RNF17: variants seen among roughly 807,000 people sequenced by gnomAD.
RNF17 encodes spermatogenesis associated 23.
RNF17 carries 31 observed loss-of-function variants against 200.5 expected under a neutral mutation model. That is an observed-to-expected ratio of 0.15 (90% CI 0.12 to 0.21). The LOEUF (loss-of-function observed/expected upper bound fraction) is 0.21, where lower values mean the gene tolerates loss of function less well. RNF17 is among the 10% of genes least tolerant of loss of function. RNF17 has a pLI of 1.00. For synonymous variants in RNF17, 606 were observed against 637.8 expected (o/e 0.95, Z 0.75); for missense variants, 1,628 against 1,905.1 (o/e 0.85, Z 2.71).
At chr13:24,847,333 T>TTA (rs1891363916) in intron 22 of RNF17, among the ~76,000 whole-genome samples, 2 of 144,224 alleles carry the variant, frequency 1.4e-5, no homozygotes, top group Admixed American at 7.2e-5. Context: ...AACCTGATCT[T>TTA]TTTATTTATT....
the RNF17 span, among the ~76,000 whole-genome samples, chr13:24,757,290 A>G: frequency 6.6e-6 from 1 of 151,316 alleles, no homozygotes; most frequent in South Asian, 2.1e-4. Context: ...TAAGCATACA[A>G]TCATATTCAG....
At chr13:24,848,043 T>C (rs920317098) in intron 22 of RNF17, among the ~76,000 whole-genome samples, 16 of 152,224 alleles carry the variant, frequency 1.1e-4, no homozygotes, top group Admixed American at 1.0e-3. Context: ...AGCTAACCTT[T>C]AAGAACTTCT....
At chr13:24,834,790 C>T (rs1889786713) in intron 18 of RNF17, among the ~76,000 whole-genome samples, 1 of 152,180 alleles carries the variant, frequency 6.6e-6, no homozygotes, top group Non-Finnish European at 1.5e-5. Flanking sequence ...TCTAGCTGAA[C>T]TTGGTAACAA....
At chr13:24,805,203 A>G (rs1885702291) in intron 15 of RNF17, among the ~76,000 whole-genome samples, 1 of 152,140 alleles carries the variant, frequency 6.6e-6, no homozygotes, top group Admixed American at 6.5e-5. Context: ...AGCGTCTTTT[A>G]TGGTAAAATA....
At chr13:24,823,748 G>C (rs966142733) in intron 15 of RNF17, among the ~76,000 whole-genome samples, 1 of 152,148 alleles carries the variant, frequency 6.6e-6, no homozygotes, top group African/African-American at 2.4e-5. Flanking sequence ...GCTTTTGAAT[G>C]TCCTAATTTC....
chr13:24,859,214 TTAAA>T, intron 26 of RNF17, 50 bp downstream of exon 26: 1 of 1,360,912 alleles, frequency 7.3e-7, no homozygotes, highest in Non-Finnish European at 9.9e-7. Flanking sequence ...TGCTATAGCA[TTAAA>T]TAGTCTTGTG....
chr13:24,785,618 A>G (rs1242032728), intron 6 of RNF17, among the ~76,000 whole-genome samples: 3 of 152,120 alleles, frequency 2.0e-5, no homozygotes, highest in East Asian at 3.9e-4. Context: ...CAATCAGTCT[A>G]TAGTGTTGTC....
chr13:24,793,648 TAGAG>T (rs373595880), intron 10 of RNF17, among the ~76,000 whole-genome samples: 54 of 152,330 alleles, frequency 3.5e-4, no homozygotes, highest in South Asian at 1.9e-3. Flanking sequence ...AAGATATAAA[TAGAG>T]AGATGTGATT....
At position 24,825,776 on chromosome 13, in the gene RNF17, G is replaced by A; in HGVS notation, c.2245+4G>A. ...TGGTACCGAGCAAAAGTTATCGGTA[G>A]GAGAATGCATGCTGTTTCTACAGGG... On this transcript the variant is annotated splice_donor_region_variant and intron_variant, in intron 16 of 35. Coordinates refer to ENST00000255324, the MANE Select transcript of RNF17 (RefSeq NM_031277.3). 6.2e-7 allele frequency: 1 copy of A among 1,610,798 alleles called. No individual in the cohort carries two copies. Among genetic ancestry groups the A allele is most frequent in the South Asian group, 1.1e-5 (1 of 90,474 alleles).
chr13:24,831,438 T>A (rs1330776432), intron 17 of RNF17, among the ~76,000 whole-genome samples: 1 of 152,028 alleles, frequency 6.6e-6, no homozygotes, highest in African/African-American at 2.4e-5. Flanking sequence ...CAAGACTCGG[T>A]CTCAAAGAAA....
At chr13:24,782,833 T>G (rs990970056) in intron 6 of RNF17, among the ~76,000 whole-genome samples, 1 of 152,206 alleles carries the variant, frequency 6.6e-6, no homozygotes, top group Non-Finnish European at 1.5e-5. Context: ...TGACTTACAA[T>G]ATTTTCTCCC....
intron 9 of RNF17, among the ~76,000 whole-genome samples, chr13:24,791,301 AG>A (rs1473184170): frequency 6.6e-6 from 1 of 152,170 alleles, no homozygotes; most frequent in Non-Finnish European, 1.5e-5. Flanking sequence ...AATGCAAAAT[AG>A]GGAAAATTAA....
chr13:24,870,100 C>T (rs565221417), intron 31 of RNF17, among the ~76,000 whole-genome samples: 2 of 152,116 alleles, frequency 1.3e-5, no homozygotes, highest in Admixed American at 6.5e-5. Context: ...TGCCACCACA[C>T]GCGGCTAATT....
chr13:24,763,226 G>A (rs1439562309), upstream of RNF17, among the ~76,000 whole-genome samples: 4 of 142,412 alleles, frequency 2.8e-5, no homozygotes, highest in African/African-American at 5.3e-5. Context: ...TTTTTGAGAC[G>A]CAGTCTCGCT....
chr13:24,815,072 A>G (rs533651334), intron 15 of RNF17, among the ~76,000 whole-genome samples: 2 of 152,336 alleles, frequency 1.3e-5, no homozygotes, highest in African/African-American at 4.8e-5. Flanking sequence ...GTCATCTATG[A>G]ACAGAGAAAT....
chr13:24,806,583 A>G (rs1201628378), intron 15 of RNF17, among the ~76,000 whole-genome samples: 2 of 152,186 alleles, frequency 1.3e-5, no homozygotes, highest in African/African-American at 4.8e-5. Context: ...ATGACCAGTG[A>G]TGATGAGCAT....
chr13:24,768,356 CT>C (rs1880086860), intron 2 of RNF17, among the ~76,000 whole-genome samples: 1 of 148,970 alleles, frequency 6.7e-6, no homozygotes, highest in South Asian at 2.1e-4. Context: ...TCAATCTCAG[CT>C]CACTGCAACC....
chr13:24,760,962 G>A (rs1425671302), upstream of RNF17, among the ~76,000 whole-genome samples: 1 of 152,012 alleles, frequency 6.6e-6, no homozygotes, highest in Non-Finnish European at 1.5e-5. Context: ...TAAAAAAAAA[G>A]ACAAAAGATA....
downstream of RNF17, chr13:24,883,457 G>T (rs7317575): frequency 0.99 from 1,069,860 of 1,076,666 alleles, 531,660 homozygotes; most frequent in Non-Finnish European, 1. Flanking sequence ...AGCCTTTTGA[G>T]TCTGGCAGCT....
Sources: allele counts gnomAD v4.1 joint callset (sites outside exome capture counted in the v4.1 genomes callset), GRCh38; gene constraint gnomAD v4.1.1; transcripts MANE v1.5; gene names NCBI Gene and HGNC (gene_info 2026-07-23, HGNC 2026-07-21).